The following WDR64 variants were observed in gnomAD, a reference collection of about 807,000 sequenced individuals.
WDR64 encodes WD repeat-containing protein 64.
WDR64 carries 112 observed loss-of-function variants against 139.3 expected under a neutral mutation model. That is an observed-to-expected ratio of 0.80 (90% CI 0.69 to 0.94). The LOEUF is 0.94. Among genes scored for constraint, WDR64 ranks in the 40% least tolerant of loss-of-function variants. WDR64 has a pLI of 0.00. For synonymous variants in WDR64, 444 were observed against 437.7 expected (o/e 1.01, Z -0.18); for missense variants, 1,206 against 1,293.1 (o/e 0.93, Z 1.03).
intron 9 of WDR64, among the ~76,000 whole-genome samples, chr1:241,719,439 G>A (rs1268767104): frequency 6.6e-6 from 1 of 152,130 alleles, no homozygotes; most frequent in Non-Finnish European, 1.5e-5. Flanking sequence ...CAGGTTTGAA[G>A]AATATGGAAG....
At chr1:241,732,971 T>G (rs1269998656) in intron 10 of WDR64, among the ~76,000 whole-genome samples, 1 of 152,168 alleles carries the variant, frequency 6.6e-6, no homozygotes, top group East Asian at 1.9e-4. Flanking sequence ...TACACACATG[T>G]ATATATTTTC....
At chr1:241,750,179 C>A (rs557039636) in intron 14 of WDR64, among the ~76,000 whole-genome samples, 2 of 152,306 alleles carry the variant, frequency 1.3e-5, no homozygotes, top group African/African-American at 4.8e-5. Flanking sequence ...GCAATCTGCT[C>A]AGGGCTGTTT....
intron 21 of WDR64, among the ~76,000 whole-genome samples, chr1:241,775,826 C>T (rs904415476): frequency 6.6e-6 from 1 of 152,020 alleles, no homozygotes; most frequent in Non-Finnish European, 1.5e-5. Context: ...TCAAGTTTGT[C>T]AAAACAATTA....
In WDR64 at chr1:241,790,653, T is replaced by C; in HGVS notation, c.2954T>C (p.Val985Ala). The C allele has an allele frequency of 2.5e-6, 4 of 1,607,876 alleles. No individual in the cohort carries two copies. The highest frequency in any genetic ancestry group is 3.4e-6 in the Non-Finnish European group (4 of 1,178,878). The part of the protein sequence containing the change: ...FKRTPPKAFE[V>A]EQDFKFFKSL... Reference sequence around the variant, plus strand: ...CGCACACCTCCCAAGGCCTTTGAAGTGGAACAGGATTTCAAGTTTTTCAAG... The same window carrying C: ...CGCACACCTCCCAAGGCCTTTGAAGCGGAACAGGATTTCAAGTTTTTCAAG... The change falls in exon 25 of 28, where the codon GTG (valine) becomes GCG (alanine). Residue 985 changes from valine (V) to alanine (A), a missense_variant. Physicochemically the swap from Val to Ala is moderately conservative, Grantham distance 64. Transcript: ENST00000437684.
chr1:241,660,778 G>T, intron 2 of WDR64, 118 bp downstream of exon 2: 1 of 1,116,886 alleles, frequency 9.0e-7, no homozygotes, highest in Non-Finnish European at 1.3e-6. Context: ...GCATGTGTCA[G>T]TTTCAATACC....
At chr1:241,737,244 G>A (rs1280427841) in intron 10 of WDR64, among the ~76,000 whole-genome samples, 3 of 152,166 alleles carry the variant, frequency 2.0e-5, no homozygotes, top group African/African-American at 4.8e-5. Context: ...GCCTACAGAG[G>A]GTTTACATTT....
chr1:241,663,475 T>G (rs150696036), intron 2 of WDR64, among the ~76,000 whole-genome samples: 2 of 152,368 alleles, frequency 1.3e-5, no homozygotes, highest in African/African-American at 4.8e-5. Context: ...ACCAGTGGTG[T>G]GCAACCCACC....
chr1:241,721,807 G>A (rs560486282), intron 9 of WDR64, among the ~76,000 whole-genome samples: 3 of 152,176 alleles, frequency 2.0e-5, no homozygotes, highest in African/African-American at 7.2e-5. Flanking sequence ...GATTACAGCT[G>A]CACATTTGTT....
chr1:241,674,261 C>T (rs12089857), intron 3 of WDR64, among the ~76,000 whole-genome samples: 89,312 of 132,978 alleles, frequency 0.67, 30,943 homozygotes, highest in Non-Finnish European at 0.75. Flanking sequence ...TTTTTCTTTT[C>T]TTTTTTTTTT....
intron 8 of WDR64, among the ~76,000 whole-genome samples, chr1:241,711,052 C>T (rs998618511): frequency 3.9e-5 from 6 of 152,134 alleles, no homozygotes; most frequent in Admixed American, 1.3e-4. Context: ...GCCTGTCCAA[C>T]ATGGTTAAAC....
At chr1:241,704,358 T>C (rs1667854176) in intron 8 of WDR64, among the ~76,000 whole-genome samples, 1 of 152,256 alleles carries the variant, frequency 6.6e-6, no homozygotes, top group African/African-American at 2.4e-5. Flanking sequence ...TGGTTAATAT[T>C]ATCATGATAG....
chr1:241,799,332 G>A (rs149530339), intron 27 of WDR64, among the ~76,000 whole-genome samples: 58 of 150,020 alleles, frequency 3.9e-4, no homozygotes, highest in Non-Finnish European at 5.6e-4. Flanking sequence ...AGCCAAGATC[G>A]TGCCAAAGCA....
At chr1:241,723,980 G>A in intron 10 of WDR64, among the ~76,000 whole-genome samples, 1 of 151,218 alleles carries the variant, frequency 6.6e-6, no homozygotes, top group Non-Finnish European at 1.5e-5. Flanking sequence ...AAATAAATAA[G>A]GAAATAAATA....
Position 241,703,924 on chromosome 1 carries a change from A to G in WDR64, c.975-7878A>G, listed in dbSNP as rs1330592743. Among the ~76,000 whole-genome samples the G allele has an allele frequency of 6.6e-6, 1 of 152,148 alleles. No homozygotes were observed. The highest frequency in any genetic ancestry group is 6.5e-5 in the Admixed American group (1 of 15,290). The stretch of plus-strand genomic sequence containing the variant: ...AAATCATCAGATCTCATGAGAACTC[A>G]CTCACTAACACAAGAACAACACGGG... On this transcript the variant is annotated intron_variant, in intron 8 of 27. Transcript: ENST00000437684. The surrounding 1 kb of genome is among the most constrained non-coding windows in gnomAD (Gnocchi z 5.9).
chr1:241,738,497 T>C lies in WDR64; in HGVS notation c.1321+8T>C, dbSNP rs1224928233. The stretch of plus-strand genomic sequence containing the variant: ...ATGGCATGCTTATTACGGGTAAGTG[T>C]ACCCAATTAATGTCAAACGAAACTC... On this transcript the variant is annotated splice_region_variant and intron_variant, in intron 11 of 27. Coordinates refer to ENST00000437684, the MANE Select transcript of WDR64 (RefSeq NM_001367482.1). The C allele has an allele frequency of 1.2e-6, 2 of 1,602,298 alleles. No individual in the cohort carries two copies. The highest frequency in any genetic ancestry group is 1.3e-5 in the African/African-American group (1 of 74,446).
chr1:241,745,047 T>C (rs1256768283), intron 13 of WDR64, among the ~76,000 whole-genome samples: 1 of 152,192 alleles, frequency 6.6e-6, no homozygotes, highest in Non-Finnish European at 1.5e-5. Context: ...GGCTAGGCCG[T>C]TTGGTGTGCC....
At chr1:241,727,195 T>C (rs146310738) in intron 10 of WDR64, among the ~76,000 whole-genome samples, 1 of 152,266 alleles carries the variant, frequency 6.6e-6, no homozygotes, top group East Asian at 1.9e-4. Context: ...CTTAGGAAAT[T>C]TTAATTTTTT....
chr1:241,696,980 A>G lies in WDR64; in HGVS notation c.974+9385A>G, dbSNP rs145851202. ...GACACCTTGATCTCTTCATTATCTC[A>G]AATTTTGTCAGCCCTCTCCTCTACT... On this transcript the variant is annotated intron_variant, in intron 8 of 27. Transcript: ENST00000437684. Among the ~76,000 whole-genome samples the G allele has an allele frequency of 7.4e-3, 1,130 of 152,132 alleles. 9 individuals carry two copies. The highest frequency in any genetic ancestry group is 0.015 in the Admixed American group (224 of 15,286).
intron 16 of WDR64, 92 bp from the exon 17 acceptor site, chr1:241,769,312 A>G (rs1658326870): frequency 2.1e-6 from 2 of 942,738 alleles, no homozygotes; most frequent in East Asian, 2.7e-5. Context: ...CATTTGAGGA[A>G]TTGCCTAGCT....
Sources: allele counts gnomAD v4.1 joint callset (sites outside exome capture counted in the v4.1 genomes callset), GRCh38; gene constraint gnomAD v4.1.1; non-coding constraint Gnocchi (gnomAD v3.1); transcripts MANE v1.5; gene names NCBI Gene and HGNC (gene_info 2026-07-23, HGNC 2026-07-21).